Variants in PARL observed in about 807,000 individuals in gnomAD.
The protein encoded by PARL is presenilin associated rhomboid like, also known as presenilin-associated rhomboid-like protein, mitochondrial.
A neutral mutation model predicts 51.6 loss-of-function variants in PARL; 44 were observed. The observed-to-expected ratio is 0.85, with a 90% confidence interval of 0.67 to 1.10. The LOEUF is 1.10. PARL is among the 50% of genes least tolerant of loss of function. The pLI, the probability that PARL is intolerant of heterozygous loss-of-function variation, is 0.00. For missense variants in PARL, 441 were observed against 469.5 expected (o/e 0.94, Z 0.56); for synonymous variants, 172 against 164.0 (o/e 1.05, Z -0.37).
At chr3:183,876,789 T>C (rs1270263529) in intron 1 of PARL, among the ~76,000 whole-genome samples, 1 of 152,176 alleles carries the variant, frequency 6.6e-6, no homozygotes, top group Non-Finnish European at 1.5e-5. Flanking sequence ...GGAACACTCA[T>C]GATTCATGAG....
chr3:183,848,594 C>A (rs1335948251), intron 4 of PARL, among the ~76,000 whole-genome samples: 2 of 152,186 alleles, frequency 1.3e-5, no homozygotes, highest in East Asian at 3.8e-4. Flanking sequence ...TAGAATGGAG[C>A]TGGAGCTCTT....
chr3:183,847,522 C>A (rs1730095592), intron 4 of PARL, among the ~76,000 whole-genome samples: 1 of 151,872 alleles, frequency 6.6e-6, no homozygotes, highest in Admixed American at 6.6e-5. Flanking sequence ...CAAAATTGCA[C>A]CACTGTACTC....
At chr3:183,834,650 G>C in intron 7 of PARL, among the ~76,000 whole-genome samples, 1 of 152,098 alleles carries the variant, frequency 6.6e-6, no homozygotes, top group East Asian at 1.9e-4. Context: ...GTGTGGTGAT[G>C]GTTTCACGGG....
chr3:183,859,172 T>C (rs535499529), intron 4 of PARL, among the ~76,000 whole-genome samples: 12 of 151,924 alleles, frequency 7.9e-5, no homozygotes, highest in African/African-American at 2.2e-4. Flanking sequence ...CGGGCACTTA[T>C]AGGCTGAGGA....
chr3:183,849,554 G>C (rs1351257325), intron 4 of PARL, among the ~76,000 whole-genome samples: 1 of 151,952 alleles, frequency 6.6e-6, no homozygotes, highest in African/African-American at 2.4e-5. Context: ...TAAAAAAAGA[G>C]ATCTCAATTC....
chr3:183,831,100 C>CA (rs1280075524), intron 9 of PARL, among the ~76,000 whole-genome samples: 5 of 152,136 alleles, frequency 3.3e-5, no homozygotes, highest in African/African-American at 1.2e-4. Flanking sequence ...CCTCAGCCTC[C>CA]AAGTAGCTGG....
chr3:183,856,609 G>C (rs937340305), intron 4 of PARL: 1 of 152,268 alleles, frequency 6.6e-6, no homozygotes, highest in Non-Finnish European at 1.5e-5. Flanking sequence ...CACTGGGATA[G>C]AGACAGAAAG....
chr3:183,866,859 T>C (rs1419855801), intron 2 of PARL, 94 bp from the exon 3 acceptor site: 1 of 942,742 alleles, frequency 1.1e-6, no homozygotes. Flanking sequence ...CATTGCTTTT[T>C]ACAAACCAAC....
intron 4 of PARL, among the ~76,000 whole-genome samples, chr3:183,850,478 A>C (rs1372411205): frequency 6.6e-6 from 1 of 152,230 alleles, no homozygotes; most frequent in Non-Finnish European, 1.5e-5. Flanking sequence ...TCAAATCTGC[A>C]AAGACCCTAT....
intron 2 of PARL, 57 bp from the exon 3 acceptor site, chr3:183,866,822 T>C (rs1020629142): frequency 4.9e-6 from 6 of 1,235,992 alleles, no homozygotes; most frequent in Non-Finnish European, 7.0e-6. Context: ...GATCTATACA[T>C]TATTTCCAAG....
At chr3:183,854,004 C>T (rs28885456) in intron 4 of PARL, among the ~76,000 whole-genome samples, 71,456 of 151,818 alleles carry the variant, frequency 0.47, 17,010 homozygotes, top group Middle Eastern at 0.57. Flanking sequence ...TTTGGGAGGC[C>T]GAGGCAAGTG....
At chr3:183,844,054 A>G (rs911967972) in intron 5 of PARL, among the ~76,000 whole-genome samples, 177 bp downstream of exon 5, 3 of 152,148 alleles carry the variant, frequency 2.0e-5, no homozygotes, top group African/African-American at 7.2e-5. Flanking sequence ...AAACAAAGAA[A>G]AAGAAAAAGA....
chr3:183,880,283 C>T (rs1734294389), intron 1 of PARL, among the ~76,000 whole-genome samples: 1 of 152,148 alleles, frequency 6.6e-6, no homozygotes, highest in Non-Finnish European at 1.5e-5. Flanking sequence ...CCTGCCTTGA[C>T]TCTGCTGCTT....
At chr3:183,836,949 C>T (rs545718733) in intron 7 of PARL, among the ~76,000 whole-genome samples, 27 of 152,250 alleles carry the variant, frequency 1.8e-4, no homozygotes, top group African/African-American at 6.5e-4. Context: ...CCATGTTGGC[C>T]AGGCTGGTTT....
intron 4 of PARL, chr3:183,846,518 T>C: frequency 1.0e-6 from 1 of 981,890 alleles, no homozygotes; most frequent in East Asian, 1.1e-4. Context: ...GGGGGAAAGA[T>C]AACCAAAGAC....
intron 9 of PARL, among the ~76,000 whole-genome samples, chr3:183,829,948 T>C (rs1255459325): frequency 2.0e-5 from 3 of 152,194 alleles, no homozygotes; most frequent in Non-Finnish European, 4.4e-5. Context: ...CATATACTAC[T>C]TTTGATTCAC....
intron 4 of PARL, among the ~76,000 whole-genome samples, chr3:183,857,327 T>G (rs944166769): frequency 6.6e-6 from 1 of 152,270 alleles, no homozygotes; most frequent in East Asian, 1.9e-4. Flanking sequence ...TACATGGATG[T>G]GCTCAGCCTG....
chr3:183,870,627 A>G (rs903666182), intron 1 of PARL, among the ~76,000 whole-genome samples: 1 of 152,098 alleles, frequency 6.6e-6, no homozygotes, highest in Admixed American at 6.6e-5. Flanking sequence ...CTCCAAGTGC[A>G]TCCTTCACAT....
chr3:183,869,708 G>T (rs1473357264), intron 1 of PARL, among the ~76,000 whole-genome samples: 1 of 151,874 alleles, frequency 6.6e-6, no homozygotes, highest in Non-Finnish European at 1.5e-5. Context: ...TTTTGTCTTT[G>T]TATCCCAGCC....
Sources: gnomAD v4.1 joint callset for allele counts (sites outside exome capture counted in the v4.1 genomes callset) on GRCh38, gnomAD v4.1.1 for gene constraint, MANE v1.5 for transcripts, NCBI Gene and HGNC (gene_info 2026-07-23, HGNC 2026-07-21) for gene names.